Variants in DAB1 observed in about 807,000 individuals in gnomAD.
DAB1 encodes DAB adaptor protein 1.
A neutral mutation model predicts 64.6 loss-of-function variants in DAB1; 15 were observed. That is an observed-to-expected ratio of 0.23 (90% CI 0.16 to 0.36). DAB1 has a LOEUF of 0.36. Ranked by LOEUF, DAB1 falls within the 10% of genes least tolerant of loss-of-function variation. DAB1 has a pLI of 1.00. For synonymous variants in DAB1, 235 were observed against 251.9 expected, an observed-to-expected ratio of 0.93 and a Z score of 0.64; for missense variants, 596 against 706.7, an observed-to-expected ratio of 0.84 and a Z score of 1.78.
chr1:58,090,070 T>G (rs1650551809), intron 5 of DAB1, among the ~76,000 whole-genome samples: 1 of 152,232 alleles, frequency 6.6e-6, no homozygotes, highest in Non-Finnish European at 1.5e-5. Context: ...TTTCTTCATC[T>G]GCAGTTTGAA....
intron 6 of DAB1, among the ~76,000 whole-genome samples, chr1:57,657,962 C>T (rs572120018): frequency 1.3e-5 from 2 of 152,136 alleles, no homozygotes; most frequent in Non-Finnish European, 2.9e-5. Context: ...GTCATCCATC[C>T]ATCCTTCCTT....
intron 5 of DAB1, among the ~76,000 whole-genome samples, chr1:58,083,491 CGAAT>C (rs1335885419): frequency 6.6e-6 from 1 of 152,150 alleles, no homozygotes; most frequent in African/African-American, 2.4e-5. Flanking sequence ...GGACAAAGGA[CGAAT>C]GAATGAATGA....
At chr1:57,942,677 C>A (rs1645122293) in intron 5 of DAB1, among the ~76,000 whole-genome samples, 1 of 152,096 alleles carries the variant, frequency 6.6e-6, no homozygotes, top group Non-Finnish European at 1.5e-5. Flanking sequence ...AGTGATGAGA[C>A]AATCTGGCCA....
chr1:58,072,487 C>T (rs543310330), intron 5 of DAB1, among the ~76,000 whole-genome samples: 3 of 152,348 alleles, frequency 2.0e-5, no homozygotes, highest in African/African-American at 7.2e-5. Flanking sequence ...TTCCAATCCT[C>T]AGTTTCCTCA....
intron 5 of DAB1, among the ~76,000 whole-genome samples, chr1:58,124,192 TTATATATA>T (rs112316442): frequency 6.7e-6 from 1 of 148,684 alleles, no homozygotes; most frequent in Non-Finnish European, 1.5e-5. Flanking sequence ...TATTCTTAGA[TTATATATA>T]TATATATACA....
At position 56,995,244 on chromosome 1, in the gene DAB1, A is replaced by G. The variant is rs1645575641; in HGVS notation, c.*2900T>C. 1 of 152,224 alleles carries G rather than the reference A, an allele frequency of 6.6e-6. No individual in the cohort carries two copies. 9.4% of individuals were successfully genotyped at this position (152,224 alleles called of 1,614,324 possible). ...ATTTAGTGCTAGTGGAGGATGAGGA[A>G]TTAACAGTTGTACACATGGATTTTC... is the stretch of plus-strand genomic sequence containing the variant. On this transcript the variant is annotated 3_prime_UTR_variant, in exon 15 of 15. Coordinates refer to ENST00000371236, the MANE Select transcript of DAB1 (RefSeq NM_001365792.1).
At chr1:58,061,503 C>G (rs184551592) in intron 5 of DAB1, among the ~76,000 whole-genome samples, 138 of 152,286 alleles carry the variant, frequency 9.1e-4, no homozygotes, top group African/African-American at 3.2e-3. Context: ...TCACATGGCC[C>G]TGTGTCTGTC....
At chr1:58,427,478 G>A (rs527342479) in intron 3 of DAB1, among the ~76,000 whole-genome samples, 1 of 152,176 alleles carries the variant, frequency 6.6e-6, no homozygotes, top group African/African-American at 2.4e-5. Flanking sequence ...GGAGATTATG[G>A]ACTTAATTCA....
intron 4 of DAB1, among the ~76,000 whole-genome samples, chr1:57,101,204 G>A (rs183688574): frequency 2.0e-5 from 3 of 152,284 alleles, no homozygotes; most frequent in East Asian, 3.9e-4. Context: ...AGACTACACC[G>A]AAACAGGACT....
At chr1:57,162,668 G>A (rs1049565454) in intron 2 of DAB1, among the ~76,000 whole-genome samples, 8 of 152,140 alleles carry the variant, frequency 5.3e-5, no homozygotes, top group African/African-American at 1.7e-4. Context: ...ACTTGTTTGC[G>A]GAGTATTTTT....
chr1:58,123,767 CTCTGT>C (rs1468288518), intron 5 of DAB1, among the ~76,000 whole-genome samples: 1 of 152,098 alleles, frequency 6.6e-6, no homozygotes, highest in Non-Finnish European at 1.5e-5. Context: ...TCTCTTCTGG[CTCTGT>C]TCGTAAATAA....
At chr1:58,338,259 G>C (rs766230754) in intron 4 of DAB1, among the ~76,000 whole-genome samples, 4 of 152,122 alleles carry the variant, frequency 2.6e-5, no homozygotes, top group Admixed American at 6.6e-5. Context: ...AGCTGCTCCA[G>C]CTCCTTCATC....
At chr1:58,488,845 C>A (rs1645623085) in intron 3 of DAB1, among the ~76,000 whole-genome samples, 1 of 152,246 alleles carries the variant, frequency 6.6e-6, no homozygotes, top group Middle Eastern at 3.2e-3. Context: ...ATCCTCATAG[C>A]TTAGCTCCCA....
At chr1:57,715,895 A>G (rs553961739) in intron 6 of DAB1, among the ~76,000 whole-genome samples, 1 of 152,296 alleles carries the variant, frequency 6.6e-6, no homozygotes, top group South Asian at 2.1e-4. Context: ...AATTCCTATC[A>G]AAGTACCAAT....
chr1:57,825,206 A>C (rs887713582), downstream of DAB1, among the ~76,000 whole-genome samples: 3 of 151,868 alleles, frequency 2.0e-5, no homozygotes. Flanking sequence ...ACTGAGTCAG[A>C]GTTTAGGGCC....
chr1:57,268,584 C>A (rs1043689461), intron 2 of DAB1, among the ~76,000 whole-genome samples: 17 of 152,234 alleles, frequency 1.1e-4, no homozygotes, highest in South Asian at 8.3e-4. Context: ...AATAAAAAAA[C>A]CAGGTTTCTT....
At chr1:57,912,357 C>T (rs1444547726) in intron 5 of DAB1, among the ~76,000 whole-genome samples, 2 of 152,014 alleles carry the variant, frequency 1.3e-5, no homozygotes, top group South Asian at 4.2e-4. Flanking sequence ...GAAAAAAAGG[C>T]TTACCTTACG....
chr1:58,286,111 ATG>A (rs144513557), intron 4 of DAB1, among the ~76,000 whole-genome samples: 136,625 of 151,860 alleles, frequency 0.9, 61,569 homozygotes, highest in South Asian at 0.95. Flanking sequence ...CTGGCTAGCT[ATG>A]TGCAGAAAAT....
chr1:57,826,967 GA>G (rs570855503), intron 1 of DAB1, among the ~76,000 whole-genome samples: 82 of 152,344 alleles, frequency 5.4e-4, no homozygotes, highest in African/African-American at 2.0e-3. Flanking sequence ...AGATGAAGAA[GA>G]TGGGTATTTG....
Sources: gnomAD v4.1 joint callset for allele counts (sites outside exome capture counted in the v4.1 genomes callset) on GRCh38, gnomAD v4.1.1 for gene constraint, MANE v1.5 for transcripts, NCBI Gene and HGNC (gene_info 2026-07-23, HGNC 2026-07-21) for gene names.